Variants in WWOX observed in about 807,000 individuals in gnomAD.
WWOX encodes the protein WW domain containing oxidoreductase.
Under a neutral mutation model 46.2 loss-of-function variants are expected in WWOX, and 69 were observed. The observed-to-expected ratio is 1.49, with a 90% CI of 1.23 to 1.82. The LOEUF is 1.82. Ranked by LOEUF, WWOX falls within the 40% of genes most tolerant of loss-of-function variation. The pLI is 0.00. For missense variants in WWOX, 919 were observed against 542.6 expected (o/e 1.69, Z -6.89); for synonymous variants, 359 against 202.6 (o/e 1.77, Z -6.56).
chr16:78,455,520 G>A (rs1256697941), intron 8 of WWOX, among the ~76,000 whole-genome samples: 2 of 151,656 alleles, frequency 1.3e-5, no homozygotes, highest in African/African-American at 2.4e-5. Context: ...GTGTGTGCCT[G>A]TAGTCCCAGC....
chr16:78,154,971 T>A (rs77533819), intron 4 of WWOX, among the ~76,000 whole-genome samples: 3 of 152,176 alleles, frequency 2.0e-5, no homozygotes, highest in African/African-American at 7.2e-5. Context: ...CGGGTGATGA[T>A]CATGGTCAAC....
chr16:78,356,631 C>G (rs1323729390), intron 5 of WWOX, among the ~76,000 whole-genome samples: 2 of 152,164 alleles, frequency 1.3e-5, no homozygotes, highest in Non-Finnish European at 2.9e-5. Flanking sequence ...GCCTGTAATC[C>G]AAGCACTTTG....
intron 5 of WWOX, among the ~76,000 whole-genome samples, chr16:78,334,607 A>T (rs2080837090): frequency 6.6e-6 from 1 of 152,092 alleles, no homozygotes; most frequent in Admixed American, 6.5e-5. Context: ...CAGAACATAG[A>T]GTTGTGTATT....
At chr16:79,072,855 G>T (rs2048577351) in intron 8 of WWOX, among the ~76,000 whole-genome samples, 1 of 152,172 alleles carries the variant, frequency 6.6e-6, no homozygotes, top group Non-Finnish European at 1.5e-5. Flanking sequence ...GAACCAGAAT[G>T]TGTGTAGCTG....
At chr16:78,660,471 G>A (rs958022505) in intron 8 of WWOX, among the ~76,000 whole-genome samples, 1 of 152,088 alleles carries the variant, frequency 6.6e-6, no homozygotes, top group Admixed American at 6.6e-5. Context: ...GAGCTGGGGT[G>A]GGCATATAAT....
At chr16:78,666,649 G>A (rs1353193046) in intron 8 of WWOX, among the ~76,000 whole-genome samples, 1 of 152,164 alleles carries the variant, frequency 6.6e-6, no homozygotes, top group Non-Finnish European at 1.5e-5. Flanking sequence ...CTGCTGATTG[G>A]CAAGGTCATC....
chr16:79,160,628 T>A (rs925891240), intron 8 of WWOX, among the ~76,000 whole-genome samples: 1 of 152,144 alleles, frequency 6.6e-6, no homozygotes, highest in Non-Finnish European at 1.5e-5. Flanking sequence ...TTTGAAGAGG[T>A]ATGGGTCAAG....
At chr16:79,201,661 T>TG (rs2051354804) in intron 8 of WWOX, among the ~76,000 whole-genome samples, 1 of 152,220 alleles carries the variant, frequency 6.6e-6, no homozygotes, top group Non-Finnish European at 1.5e-5. Flanking sequence ...TTGGTTTCCA[T>TG]GGATACCTGA....
chr16:78,338,668 G>T lies in WWOX; in HGVS notation c.517-48192G>T, dbSNP rs58101232. On this transcript the variant is annotated intron_variant, in intron 5 of 8. Transcript: ENST00000566780. ...TAAATTCAGTTGAAAAATAGAAATA[G>T]TGAGAAATCCAGGTTGTGCTCTGTC... 8.2e-3 allele frequency among the ~76,000 whole-genome samples: 989 copies of T among 121,200 alleles called. 217 individuals carry two copies. The highest frequency in any genetic ancestry group is 0.026 in the African/African-American group (943 of 35,894). 79.5% of individuals were successfully genotyped at this position (121,200 alleles called of 152,430 possible).
intron 8 of WWOX, among the ~76,000 whole-genome samples, chr16:79,031,023 G>T (rs899013964): frequency 2.7e-5 from 4 of 150,200 alleles, no homozygotes; most frequent in African/African-American, 9.8e-5. Flanking sequence ...GGCTGGGGAG[G>T]TTGAGGCCGC....
intron 8 of WWOX, among the ~76,000 whole-genome samples, chr16:78,583,253 C>T (rs1046825344): frequency 1.3e-5 from 2 of 152,158 alleles, no homozygotes; most frequent in Non-Finnish European, 2.9e-5. Flanking sequence ...CAAAGCAGTG[C>T]TGAAGGAACA....
chr16:78,622,185 C>T (rs1240468578), intron 8 of WWOX, among the ~76,000 whole-genome samples: 1 of 152,120 alleles, frequency 6.6e-6, no homozygotes, highest in Non-Finnish European at 1.5e-5. Context: ...TCTCTCCATT[C>T]TTCTCTCCTG....
intron 8 of WWOX, among the ~76,000 whole-genome samples, chr16:78,767,576 T>C (rs2049954372): frequency 6.6e-6 from 1 of 152,108 alleles, no homozygotes; most frequent in Non-Finnish European, 1.5e-5. Context: ...TTCTTCTGCA[T>C]GTATACCTAG....
intron 8 of WWOX, among the ~76,000 whole-genome samples, chr16:78,784,837 T>A (rs986636499): frequency 6.6e-6 from 1 of 152,134 alleles, no homozygotes; most frequent in African/African-American, 2.4e-5. Context: ...CAAGGGATAC[T>A]CATGGTTGAA....
intron 8 of WWOX, among the ~76,000 whole-genome samples, chr16:78,779,728 C>A (rs1437762018): frequency 1.3e-5 from 2 of 152,162 alleles, no homozygotes; most frequent in Non-Finnish European, 2.9e-5. Context: ...GTTCTCCTAA[C>A]CAGGATGTGA....
chr16:78,948,455 C>T (rs761699838), intron 8 of WWOX, among the ~76,000 whole-genome samples: 9 of 152,174 alleles, frequency 5.9e-5, no homozygotes, highest in Admixed American at 2.0e-4. Context: ...AGCCAGAGGT[C>T]TGTCTCTTGC....
intron 5 of WWOX, among the ~76,000 whole-genome samples, chr16:78,316,199 C>G (rs1382870453): frequency 6.6e-6 from 1 of 151,972 alleles, no homozygotes; most frequent in Non-Finnish European, 1.5e-5. Flanking sequence ...TCAGTCGAGA[C>G]CATGCTAGTG....
chr16:79,175,760 C>G (rs537892161), intron 8 of WWOX, among the ~76,000 whole-genome samples: 1 of 152,328 alleles, frequency 6.6e-6, no homozygotes, highest in Admixed American at 6.5e-5. Context: ...ACTCATACGA[C>G]TTACACATTC....
intron 8 of WWOX, among the ~76,000 whole-genome samples, chr16:78,988,365 AAAAAG>A (rs1225338661): frequency 9.9e-5 from 15 of 151,962 alleles, no homozygotes; most frequent in Non-Finnish European, 1.2e-4. Flanking sequence ...AAAAAAAAAA[AAAAAG>A]AAAGAAAATT....
Sources: allele counts gnomAD v4.1 joint callset (sites outside exome capture counted in the v4.1 genomes callset), GRCh38; gene constraint gnomAD v4.1.1; transcripts MANE v1.5; gene names NCBI Gene and HGNC (gene_info 2026-07-23, HGNC 2026-07-21).